SPTB: variants seen among roughly 807,000 people sequenced by gnomAD.
SPTB encodes the protein spectrin beta chain, erythrocytic.
In SPTB, 45 loss-of-function variants were observed where a neutral mutation model predicts 256.2. The observed-to-expected ratio is 0.18, with a 90% CI of 0.14 to 0.23. The LOEUF is 0.23. Among genes scored for constraint, SPTB ranks in the 10% least tolerant of loss-of-function variants. SPTB has a pLI of 1.00. For missense variants in SPTB, 2,715 were observed against 3,040.4 expected, an observed-to-expected ratio of 0.89 and a Z score of 2.52; for synonymous variants, 1,231 against 1,243.1, an observed-to-expected ratio of 0.99 and a Z score of 0.21.
chr14:64,803,873 C>T, intron 3 of SPTB, 93 bp from the exon 4 acceptor site: 1 of 1,354,976 alleles, frequency 7.4e-7, no homozygotes, highest in South Asian at 1.4e-5. Context: ...TAAGCACCCA[C>T]CCTCCACCCT....
Position 64,773,467 on chromosome 14 carries a change from G to A in SPTB, c.4974-43C>T, listed in dbSNP as rs751098230. 3.1e-5 allele frequency: 49 copies of A among 1,604,110 alleles called. No homozygotes were observed. The South Asian group carries it at 4.3e-4, about 14-fold the overall frequency. ...AAAGGCCCTCAGAGACGGCAGCCAC[G>A]AACCCAGAGCCGTGGCTCCAGGGAG... On this transcript the variant is annotated intron_variant, in intron 24 of 35. Transcript: ENST00000644917.
chr14:64,805,250 G>T (rs867615019), intron 2 of SPTB, among the ~76,000 whole-genome samples, 160 bp from the exon 3 acceptor site: 1 of 152,076 alleles, frequency 6.6e-6, no homozygotes, highest in Non-Finnish European at 1.5e-5. Flanking sequence ...TGCCATCAAG[G>T]TGTAGCAATA....
Position 64,824,205 on chromosome 14 carries a change from C to T in SPTB, c.-51-1060G>A, listed in dbSNP as rs1278190887. ...GGCTTAGGTGGGGACTCGGCGGGGA[C>T]TGGTATCAGGGAGGGGAAGTTGAAG... On this transcript the variant is annotated intron_variant, in intron 1 of 35. Coordinates refer to ENST00000644917, the MANE Select transcript of SPTB (RefSeq NM_001355436.2). This position sits in a 1 kb window ranked among gnomAD's most constrained non-coding sequence, Gnocchi z 5.7. 6.6e-6 allele frequency among the ~76,000 whole-genome samples: 1 copy of T among 151,892 alleles called. No homozygotes were observed. The highest frequency in any genetic ancestry group is 1.5e-5 in the Non-Finnish European group (1 of 67,990).
At position 64,775,173 on chromosome 14, in the gene SPTB, G is replaced by A. The variant is rs999078264; in HGVS notation, c.4794C>T (p.Ala1598=). The part of the protein sequence containing the change: ...QYYLDADEAE[A]WIGEQELYVI... Reference sequence around the variant, plus strand: ...CGTAGAGCTCCTGCTCGCCAATCCAGGCCTCAGCCTCGTCTGCATCCAGGT... The same window carrying A: ...CGTAGAGCTCCTGCTCGCCAATCCAAGCCTCAGCCTCGTCTGCATCCAGGT... Residue 1598 remains alanine (A), a synonymous_variant, in exon 23 of 36, where the codon GCC becomes GCT. Transcript: ENST00000644917. The surrounding 1 kb of genome is among the most constrained non-coding windows in gnomAD (Gnocchi z 5.0). 2 of 1,613,970 alleles carry A rather than the reference G, an allele frequency of 1.2e-6. No homozygotes were observed. Among genetic ancestry groups the A allele is most frequent in the Non-Finnish European group, 1.7e-6 (2 of 1,180,046 alleles).
chr14:64,817,198 A>T (rs1328187398), intron 2 of SPTB, among the ~76,000 whole-genome samples: 1 of 151,582 alleles, frequency 6.6e-6, no homozygotes, highest in African/African-American at 2.4e-5. Context: ...CACACAGTGC[A>T]GGGGCATGCT....
At chr14:64,766,179 T>A (rs979430692) in intron 32 of SPTB, among the ~76,000 whole-genome samples, 2 of 147,726 alleles carry the variant, frequency 1.4e-5, no homozygotes, top group Non-Finnish European at 3.0e-5. Context: ...TGTATGTGTG[T>A]GTGTATGTGT....
rs776578406 is a variant in SPTB, at chr14:64,796,842, C to T, written c.1183-127G>A. ...GGTACAGCCTGATGCTCTTGGGTGACGTGGTAGCAGATTAAAGATCAATAA... is the reference window on the plus strand; with the variant it reads ...GGTACAGCCTGATGCTCTTGGGTGATGTGGTAGCAGATTAAAGATCAATAA... On this transcript the variant is annotated intron_variant, in intron 10 of 35. Coordinates refer to ENST00000644917, the MANE Select transcript of SPTB (RefSeq NM_001355436.2). This position sits in a 1 kb window ranked among gnomAD's most constrained non-coding sequence, Gnocchi z 4.1. The T allele has an allele frequency of 4.6e-5, 57 of 1,248,934 alleles. No homozygotes were observed. The highest frequency in any genetic ancestry group is 5.6e-5 in the Non-Finnish European group (49 of 875,470). 77.4% of individuals were successfully genotyped at this position (1,248,934 alleles called of 1,614,324 possible).
In SPTB at chr14:64,801,746, C is replaced by T; in HGVS notation, c.647+8G>A. ...AGTCAGTCCCCACGGCTGTCCCCTC[C>T]CTCTTACCGGTGCTTGTGTATCAGG... On this transcript the variant is annotated splice_region_variant and intron_variant, in intron 6 of 35. Coordinates refer to ENST00000644917, the MANE Select transcript of SPTB (RefSeq NM_001355436.2). 1 of 1,613,840 alleles carries T rather than the reference C, an allele frequency of 6.2e-7. No individual in the cohort carries two copies. The highest frequency in any genetic ancestry group is 8.5e-7 in the Non-Finnish European group (1 of 1,179,820).
Position 64,801,397 on chromosome 14 carries a change from G to A in SPTB, c.651C>T (p.Pro217=), listed in dbSNP as rs774946538. The A allele has an allele frequency of 1.6e-5, 26 of 1,613,234 alleles. No individual in the cohort carries two copies. Among genetic ancestry groups the A allele is most frequent in the Middle Eastern group, 1.6e-4 (1 of 6,082 alleles). The part of the protein sequence containing the change: ...AFNALIHKHR[P]DLIDFDKLKD... ...TCAGCTTATCAAAGTCGATCAGGTCGGGCCTGGGGACAAAACTGGACTGTG... is the reference window on the plus strand; with the variant it reads ...TCAGCTTATCAAAGTCGATCAGGTCAGGCCTGGGGACAAAACTGGACTGTG... Residue 217 remains proline, a synonymous_variant, in exon 7 of 36, where the codon CCC becomes CCT. Transcript: ENST00000644917.
intron 1 of SPTB, among the ~76,000 whole-genome samples, chr14:64,837,894 G>A (rs1202460206): frequency 6.6e-6 from 1 of 152,140 alleles, no homozygotes; most frequent in Non-Finnish European, 1.5e-5. Flanking sequence ...TTACAGGTGT[G>A]AGCCACCGCG....
chr14:64,770,519 C>T (rs2082263848), intron 27 of SPTB, among the ~76,000 whole-genome samples: 1 of 152,176 alleles, frequency 6.6e-6, no homozygotes, highest in Non-Finnish European at 1.5e-5. Context: ...GGGAAGGGCC[C>T]CCTCACATCC....
Position 64,795,913 on chromosome 14 carries a change from T to G in SPTB, c.1342-274A>C, listed in dbSNP as rs1248102107. Among the ~76,000 whole-genome samples, 1 of 152,180 alleles carries G rather than the reference T, an allele frequency of 6.6e-6. No homozygotes were observed. The highest frequency in any genetic ancestry group is 2.4e-5 in the African/African-American group (1 of 41,442). On this transcript the variant is annotated intron_variant, in intron 11 of 35. Transcript: ENST00000644917. The surrounding 1 kb of genome is among the most constrained non-coding windows in gnomAD (Gnocchi z 6.5). The stretch of plus-strand genomic sequence containing the variant: ...CCTGCGTGTTACTAATGGAGCCCCT[T>G]GGCAGCCTGCTGGCACTCCCCACAT...
Position 64,841,506 on chromosome 14 carries a change from T to A in SPTB, c.-51-18361A>T, listed in dbSNP as rs1188064053. Reference sequence around the variant, plus strand: ...GATCTGCACTGGAGGCCCAGGAGGCTCTTCAGGGTCACAGCTAATCCACGC... The same window carrying A: ...GATCTGCACTGGAGGCCCAGGAGGCACTTCAGGGTCACAGCTAATCCACGC... On this transcript the variant is annotated intron_variant, in intron 1 of 35. Transcript: ENST00000644917. This position sits in a 1 kb window ranked among gnomAD's most constrained non-coding sequence, Gnocchi z 4.6. Among the ~76,000 whole-genome samples the A allele has an allele frequency of 6.6e-6, 1 of 152,130 alleles. No homozygotes were observed. Among genetic ancestry groups the A allele is most frequent in the Non-Finnish European group, 1.5e-5 (1 of 68,032 alleles).
chr14:64,765,773 G>T (rs2082160674), intron 32 of SPTB, among the ~76,000 whole-genome samples: 1 of 151,632 alleles, frequency 6.6e-6, no homozygotes, highest in South Asian at 2.1e-4. Context: ...GCCTGTGGTG[G>T]GGCAGGTGGG....
chr14:64,856,488 G>C (rs188407926), intron 1 of SPTB, among the ~76,000 whole-genome samples: 50 of 152,324 alleles, frequency 3.3e-4, no homozygotes, highest in Admixed American at 7.2e-4. Flanking sequence ...GGAAGCAAGA[G>C]TTTCAAGGTT....
intron 2 of SPTB, among the ~76,000 whole-genome samples, chr14:64,809,484 T>C (rs2083048625): frequency 6.6e-6 from 1 of 151,924 alleles, no homozygotes; most frequent in Non-Finnish European, 1.5e-5. Context: ...TAGCTGGGAC[T>C]ACAGGCGTGC....
chr14:64,826,304 C>A lies in SPTB; in HGVS notation c.-51-3159G>T, dbSNP rs2083377410. On this transcript the variant is annotated intron_variant, in intron 1 of 35. Transcript: ENST00000644917. This position sits in a 1 kb window ranked among gnomAD's most constrained non-coding sequence, Gnocchi z 4.4. ...CAGATTTAACCCATTCTCGGCGTCA[C>A]CATGTCTCTTTCCATACTGTTACAA... Among the ~76,000 whole-genome samples the A allele has an allele frequency of 6.6e-6, 1 of 152,212 alleles. No individual in the cohort carries two copies. The highest frequency in any genetic ancestry group is 2.4e-5 in the African/African-American group (1 of 41,456).
chr14:64,749,572 AG>A lies in SPTB; in HGVS notation c.6819+81del. ...GGGGCTCTTGGGACTGCCCCTTCTG[AG>A]GGGGCCTCCAGGGCAAGCGGCCTGG... is the stretch of plus-strand genomic sequence containing the variant. On this transcript the variant is annotated intron_variant, in intron 35 of 35. Coordinates refer to ENST00000644917, the MANE Select transcript of SPTB (RefSeq NM_001355436.2). The surrounding 1 kb of genome is among the most constrained non-coding windows in gnomAD (Gnocchi z 4.7). 1 of 1,606,792 alleles carries A rather than the reference AG, an allele frequency of 6.2e-7. No individual in the cohort carries two copies.
chr14:64,814,457 A>C (rs1262269728), intron 2 of SPTB, among the ~76,000 whole-genome samples: 2 of 152,062 alleles, frequency 1.3e-5, no homozygotes, highest in East Asian at 3.8e-4. Context: ...TTCTATATTA[A>C]ATATATATTC....
Sources: gnomAD v4.1 joint callset for allele counts (sites outside exome capture counted in the v4.1 genomes callset) on GRCh38, gnomAD v4.1.1 for gene constraint, Gnocchi (gnomAD v3.1) non-coding constraint, MANE v1.5 for transcripts, NCBI Gene and HGNC (gene_info 2026-07-23, HGNC 2026-07-21) for gene names.